Variants in CAST observed in about 807,000 individuals in gnomAD.
CAST encodes the protein MIR583 host.
Under a neutral mutation model 119.6 loss-of-function variants are expected in CAST, and 76 were observed. The ratio of observed to expected loss-of-function variants is 0.64; its 90% CI spans 0.53 to 0.77. CAST has a LOEUF of 0.77. Among genes scored for constraint, CAST ranks in the 30% least tolerant of loss-of-function variants. The probability of loss-of-function intolerance (pLI) is 0.00; values close to 1 mark genes in which losing one functional copy is unlikely to be tolerated. For synonymous variants in CAST, 319 were observed against 331.6 expected, an observed-to-expected ratio of 0.96 and a Z score of 0.41; for missense variants, 953 against 946.5, an observed-to-expected ratio of 1.01 and a Z score of -0.09.
At chr5:96,325,401 T>C in the CAST span, among the ~76,000 whole-genome samples, 2 of 149,868 alleles carry the variant, frequency 1.3e-5, no homozygotes, top group South Asian at 2.1e-4. Context: ...TTCTTTCTTT[T>C]CTTTCTTTCT....
At chr5:96,210,738 G>A in the CAST span, among the ~76,000 whole-genome samples, 1 of 151,936 alleles carries the variant, frequency 6.6e-6, no homozygotes, top group African/African-American at 2.4e-5. Context: ...ATTTTGAAAG[G>A]AATTGGATTA....
At chr5:95,997,987 T>TTTTTTTTG in the CAST span, among the ~76,000 whole-genome samples, 1 of 143,126 alleles carries the variant, frequency 7.0e-6, no homozygotes, top group Non-Finnish European at 1.5e-5. Context: ...TTTTTTTTTT[T>TTTTTTTTG]CCTTTGCGGG....
At chr5:96,495,979 T>C in the CAST span, among the ~76,000 whole-genome samples, 1 of 152,232 alleles carries the variant, frequency 6.6e-6, no homozygotes, top group Non-Finnish European at 1.5e-5. Context: ...ATTATTATTG[T>C]CTAAATAAAT....
chr5:96,182,347 C>G, the CAST span, among the ~76,000 whole-genome samples: 1 of 152,186 alleles, frequency 6.6e-6, no homozygotes, highest in Non-Finnish European at 1.5e-5. Flanking sequence ...GAATTTGGGC[C>G]TGGAGTAAGG....
At chr5:96,205,877 T>C in the CAST span, among the ~76,000 whole-genome samples, 71 of 152,086 alleles carry the variant, frequency 4.7e-4, no homozygotes, top group Non-Finnish European at 8.5e-4. Context: ...GCTCTATTTT[T>C]AAATACTTTG....
the CAST span, among the ~76,000 whole-genome samples, chr5:96,026,578 C>T: frequency 2.2e-4 from 34 of 152,216 alleles, no homozygotes; most frequent in Non-Finnish European, 3.8e-4. Context: ...CAATTGTACT[C>T]GAACTCCATG....
At chr5:96,444,314 A>G in the CAST span, among the ~76,000 whole-genome samples, 23 of 152,350 alleles carry the variant, frequency 1.5e-4, no homozygotes, top group Non-Finnish European at 3.1e-4. Flanking sequence ...AGTAAGACTC[A>G]TTTAATTTAG....
the CAST span, among the ~76,000 whole-genome samples, chr5:95,998,827 G>T: frequency 6.6e-6 from 1 of 152,070 alleles, no homozygotes; most frequent in African/African-American, 2.4e-5. Flanking sequence ...AACTCTCCAT[G>T]CTGCTTTCCA....
the CAST span, among the ~76,000 whole-genome samples, chr5:95,998,831 C>T: frequency 6.6e-6 from 1 of 152,116 alleles, no homozygotes; most frequent in African/African-American, 2.4e-5. Flanking sequence ...CTCCATGCTG[C>T]TTTCCATAGA....
At chr5:96,116,833 A>G in the CAST span, among the ~76,000 whole-genome samples, 1 of 152,196 alleles carries the variant, frequency 6.6e-6, no homozygotes, top group Non-Finnish European at 1.5e-5. Context: ...TTCTGGATTC[A>G]AGCTCTTTGT....
At chr5:96,054,224 G>A in the CAST span, among the ~76,000 whole-genome samples, 6 of 151,564 alleles carry the variant, frequency 4.0e-5, no homozygotes, top group Non-Finnish European at 8.8e-5. Context: ...GTGTGTCTTG[G>A]GAGCTTTTTA....
chr5:96,628,923 A>T (rs1747772104), intron 1 of CAST, among the ~76,000 whole-genome samples: 1 of 152,204 alleles, frequency 6.6e-6, no homozygotes, highest in South Asian at 2.1e-4. Context: ...TGATGCACAT[A>T]CTTGCTGTGG....
chr5:96,510,477 A>G, the CAST span, among the ~76,000 whole-genome samples: 1 of 152,188 alleles, frequency 6.6e-6, no homozygotes, highest in Non-Finnish European at 1.5e-5. Flanking sequence ...GCAAAATAGG[A>G]TAATGGTTTG....
chr5:96,033,043 A>C, the CAST span, among the ~76,000 whole-genome samples: 4 of 152,150 alleles, frequency 2.6e-5, no homozygotes, highest in Non-Finnish European at 5.9e-5. Flanking sequence ...AACTATCTGA[A>C]AAAGAAATGA....
the CAST span, among the ~76,000 whole-genome samples, chr5:96,490,033 C>T: frequency 6.6e-6 from 1 of 152,174 alleles, no homozygotes; most frequent in Non-Finnish European, 1.5e-5. Context: ...GACATATGTG[C>T]TTTCTGGGTG....
the CAST span, among the ~76,000 whole-genome samples, chr5:96,368,115 C>A: frequency 4.0e-5 from 6 of 151,624 alleles, no homozygotes; most frequent in African/African-American, 1.5e-4. Context: ...AATTACTTTT[C>A]TTTTTTTTCC....
At chr5:95,999,635 C>A in the CAST span, among the ~76,000 whole-genome samples, 1 of 152,170 alleles carries the variant, frequency 6.6e-6, no homozygotes, top group East Asian at 1.9e-4. Flanking sequence ...TGAGCCATGG[C>A]ACCAAGCTTA....
the CAST span, among the ~76,000 whole-genome samples, chr5:96,215,746 C>T: frequency 1.4e-3 from 215 of 152,168 alleles, 1 homozygote; most frequent in Middle Eastern, 0.01. Flanking sequence ...AGGATGAAGA[C>T]GTTTATGATG....
chr5:96,687,887 C>A (rs114002611), intron 2 of CAST, among the ~76,000 whole-genome samples: 348 of 152,192 alleles, frequency 2.3e-3, no homozygotes, highest in African/African-American at 8.2e-3. Flanking sequence ...TCAGTAAAAT[C>A]TGATACAATA....
Sources: allele counts gnomAD v4.1 joint callset (sites outside exome capture counted in the v4.1 genomes callset), GRCh38; gene constraint gnomAD v4.1.1; transcripts MANE v1.5; gene names NCBI Gene and HGNC (gene_info 2026-07-23, HGNC 2026-07-21).